The following WWOX variants were observed in gnomAD, a reference collection of about 807,000 sequenced individuals.
The protein encoded by WWOX is WW domain-containing oxidoreductase.
Under a neutral mutation model 46.2 loss-of-function variants are expected in WWOX, and 69 were observed. The ratio of observed to expected loss-of-function variants is 1.49; its 90% CI spans 1.23 to 1.82. The LOEUF is 1.82. Among genes scored for constraint, WWOX ranks in the 40% most tolerant of loss-of-function variants. The pLI, the probability that WWOX is intolerant of heterozygous loss-of-function variation, is 0.00. For synonymous variants in WWOX, 359 were observed against 202.6 expected (o/e 1.77, Z -6.56); for missense variants, 919 against 542.6 (o/e 1.69, Z -6.89).
At chr16:78,688,128 T>G (rs2142255935) in intron 8 of WWOX, among the ~76,000 whole-genome samples, 1 of 152,212 alleles carries the variant, frequency 6.6e-6, no homozygotes. Context: ...CTTAAAGTTT[T>G]CTGCAATAGA....
chr16:78,375,640 G>A lies in WWOX; in HGVS notation c.517-11220G>A, dbSNP rs543178158. Among the ~76,000 whole-genome samples, 15 of 152,174 alleles carry A rather than the reference G, an allele frequency of 9.9e-5. No homozygotes were observed. The South Asian group carries it at 2.9e-3, about 29-fold the overall frequency. The stretch of plus-strand genomic sequence containing the variant: ...GGAAATTGGTATAACCTTTTTGGAG[G>A]ACCCTCAGTAAAAAGCTATCAAAAT... On this transcript the variant is annotated intron_variant, in intron 5 of 8. Transcript: ENST00000566780.
chr16:78,362,494 A>G (rs2081432575), intron 5 of WWOX, among the ~76,000 whole-genome samples: 1 of 152,106 alleles, frequency 6.6e-6, no homozygotes, highest in Non-Finnish European at 1.5e-5. Flanking sequence ...CTGTTGTTCC[A>G]GGTACTCGGG....
chr16:78,623,341 C>T (rs1017519270), intron 8 of WWOX, among the ~76,000 whole-genome samples: 1 of 152,178 alleles, frequency 6.6e-6, no homozygotes, highest in African/African-American at 2.4e-5. Context: ...AAGTTACTCA[C>T]CAGGTTTCAG....
chr16:78,878,914 A>AAAG (rs1555556835), intron 8 of WWOX, among the ~76,000 whole-genome samples: 2 of 145,828 alleles, frequency 1.4e-5, no homozygotes, highest in African/African-American at 5.0e-5. Context: ...AAAAAAAAAA[A>AAAG]AAAAAAGCCT....
At chr16:79,197,056 G>A (rs1345320635) in intron 8 of WWOX, among the ~76,000 whole-genome samples, 3 of 152,180 alleles carry the variant, frequency 2.0e-5, no homozygotes, top group African/African-American at 7.2e-5. Context: ...TGACCCAGTA[G>A]GAAGTATAGT....
chr16:78,240,410 C>T (rs114689353), intron 5 of WWOX, among the ~76,000 whole-genome samples: 42 of 152,240 alleles, frequency 2.8e-4, no homozygotes, highest in African/African-American at 7.7e-4. Flanking sequence ...TGGAGTGATG[C>T]GTCTACAAGC....
chr16:78,181,918 C>T (rs2035543054), intron 5 of WWOX, among the ~76,000 whole-genome samples: 1 of 152,078 alleles, frequency 6.6e-6, no homozygotes, highest in African/African-American at 2.4e-5. Context: ...CCCACCCCAT[C>T]AACATGATGG....
rs542510041 is a variant in WWOX, at chr16:78,749,655, A to C, written c.1056+316903A>C. 2.6e-5 allele frequency among the ~76,000 whole-genome samples: 4 copies of C among 152,310 alleles called. No individual in the cohort carries two copies. The East Asian group carries it at 7.7e-4, about 29-fold the overall frequency. On this transcript the variant is annotated intron_variant, in intron 8 of 8. Transcript: ENST00000566780. ...GGGTGGAGGAAGTGTTTTCTGGTCTAGCTAAGGAGGAAAAATTATAGACCT... is the reference window on the plus strand; with the variant it reads ...GGGTGGAGGAAGTGTTTTCTGGTCTCGCTAAGGAGGAAAAATTATAGACCT...
chr16:79,154,673 A>G (rs1441467350), intron 8 of WWOX, among the ~76,000 whole-genome samples: 1 of 152,198 alleles, frequency 6.6e-6, no homozygotes, highest in Non-Finnish European at 1.5e-5. Context: ...TACACTGTAA[A>G]ACAACCACGT....
intron 8 of WWOX, among the ~76,000 whole-genome samples, chr16:78,695,135 CA>C (rs1280075644): frequency 6.6e-6 from 1 of 152,156 alleles, no homozygotes; most frequent in African/African-American, 2.4e-5. Context: ...ACAAAGGTTT[CA>C]TAAATTTCAA....
intron 8 of WWOX, among the ~76,000 whole-genome samples, chr16:79,001,619 T>G (rs992108582): frequency 1.3e-5 from 2 of 151,774 alleles, no homozygotes; most frequent in African/African-American, 2.4e-5. Flanking sequence ...AAATCACTTA[T>G]GTAATAAACT....
At chr16:78,176,161 C>T (rs894599879) in intron 5 of WWOX, among the ~76,000 whole-genome samples, 7 of 152,194 alleles carry the variant, frequency 4.6e-5, no homozygotes, top group South Asian at 2.1e-4. Flanking sequence ...TCCTGCCCTC[C>T]GAGTTCCACT....
At chr16:78,954,380 G>A (rs1324998240) in intron 8 of WWOX, among the ~76,000 whole-genome samples, 1 of 152,118 alleles carries the variant, frequency 6.6e-6, no homozygotes, top group Non-Finnish European at 1.5e-5. Context: ...GGATGTTTGG[G>A]TGGATGAACA....
intron 8 of WWOX, among the ~76,000 whole-genome samples, chr16:79,005,627 C>G (rs898456377): frequency 1.3e-5 from 2 of 152,150 alleles, no homozygotes; most frequent in African/African-American, 4.8e-5. Context: ...TGTCTTCTCA[C>G]CACCATCTTC....
At chr16:78,453,078 A>T (rs971640862) in intron 8 of WWOX, among the ~76,000 whole-genome samples, 1 of 151,932 alleles carries the variant, frequency 6.6e-6, no homozygotes, top group Non-Finnish European at 1.5e-5. Context: ...GACGGGTTTC[A>T]TCATGTTGGC....
At chr16:78,268,232 T>C (rs1027849759) in intron 5 of WWOX, among the ~76,000 whole-genome samples, 1 of 152,194 alleles carries the variant, frequency 6.6e-6, no homozygotes, top group African/African-American at 2.4e-5. Flanking sequence ...GAAAATATAG[T>C]ATTCCTTAAA....
At chr16:78,401,275 C>CAAAAT (rs151156211) in intron 6 of WWOX, among the ~76,000 whole-genome samples, 17,471 of 152,078 alleles carry the variant, frequency 0.11, 1,641 homozygotes, top group African/African-American at 0.25. Flanking sequence ...AGTAAATTAA[C>CAAAAT]AAAGTGGAAA....
chr16:78,693,590 A>G (rs1173070759), intron 8 of WWOX, among the ~76,000 whole-genome samples: 4 of 152,330 alleles, frequency 2.6e-5, no homozygotes, highest in East Asian at 3.9e-4. Flanking sequence ...CCTCTAGGGC[A>G]GTGGAGACAA....
In WWOX at chr16:78,920,935, A is replaced by G. The variant is rs560101916; in HGVS notation, c.1057-290673A>G. On this transcript the variant is annotated intron_variant, in intron 8 of 8. Coordinates refer to ENST00000566780, the MANE Select transcript of WWOX (RefSeq NM_016373.4). The stretch of plus-strand genomic sequence containing the variant: ...GACTTTCAAACTGCTCTCACTGTCC[A>G]CACATAATATGTGGTACTTTTCTGC... 2.2e-4 allele frequency among the ~76,000 whole-genome samples: 33 copies of G among 152,324 alleles called. 1 individual carries two copies. Among genetic ancestry groups the G allele is most frequent in the African/African-American group, 7.5e-4 (31 of 41,578 alleles).
Sources: gnomAD v4.1 joint callset for allele counts (sites outside exome capture counted in the v4.1 genomes callset) on GRCh38, gnomAD v4.1.1 for gene constraint, MANE v1.5 for transcripts, NCBI Gene and HGNC (gene_info 2026-07-23, HGNC 2026-07-21) for gene names.